The following PDZRN4 variants were observed in gnomAD, a reference collection of about 807,000 sequenced individuals.
PDZRN4 encodes the protein PDZ domain-containing RING finger protein 4.
In PDZRN4, 70 loss-of-function variants were observed where a neutral mutation model predicts 99.0. That is an observed-to-expected ratio of 0.71 (90% CI 0.58 to 0.86). The LOEUF is 0.86. PDZRN4 is among the 40% of genes least tolerant of loss of function. The probability of loss-of-function intolerance (pLI) is 0.00; values close to 1 mark genes in which losing one functional copy is unlikely to be tolerated. For missense variants in PDZRN4, 1,474 were observed against 1,331.2 expected (o/e 1.11, Z -1.67); for synonymous variants, 551 against 501.6 (o/e 1.10, Z -1.32).
At chr12:41,282,135 G>T (rs974295179) in intron 3 of PDZRN4, among the ~76,000 whole-genome samples, 7 of 152,108 alleles carry the variant, frequency 4.6e-5, no homozygotes, top group African/African-American at 1.7e-4. Context: ...CCCATCTCAT[G>T]TGCAACGATA....
intron 3 of PDZRN4, among the ~76,000 whole-genome samples, chr12:41,329,637 T>G (rs907757283): frequency 6.6e-5 from 10 of 152,110 alleles, no homozygotes; most frequent in African/African-American, 2.4e-4. Flanking sequence ...CATTTTTTCT[T>G]TAATATAATT....
chr12:41,531,540 T>C (rs916021596), intron 5 of PDZRN4, among the ~76,000 whole-genome samples: 2 of 152,146 alleles, frequency 1.3e-5, no homozygotes, highest in African/African-American at 4.8e-5. Context: ...GATGGGGCCA[T>C]GGCAGGCCAG....
At chr12:41,468,886 G>A (rs1952957409) in intron 3 of PDZRN4, among the ~76,000 whole-genome samples, 1 of 152,034 alleles carries the variant, frequency 6.6e-6, no homozygotes, top group Admixed American at 6.6e-5. Flanking sequence ...GCTCACGCCT[G>A]TAGTCCCAGC....
At chr12:41,398,584 A>G (rs1952267106) in intron 3 of PDZRN4, among the ~76,000 whole-genome samples, 1 of 152,208 alleles carries the variant, frequency 6.6e-6, no homozygotes, top group Non-Finnish European at 1.5e-5. Flanking sequence ...AAGAATTATA[A>G]TGACTTACAA....
At chr12:41,483,985 C>CT (rs1434330683) in intron 3 of PDZRN4, among the ~76,000 whole-genome samples, 3 of 151,974 alleles carry the variant, frequency 2.0e-5, no homozygotes, top group Admixed American at 6.6e-5. Flanking sequence ...GGATTCCATT[C>CT]TGAAAAAAAT....
At chr12:41,275,066 T>G (rs538396665) in intron 3 of PDZRN4, among the ~76,000 whole-genome samples, 21 of 152,236 alleles carry the variant, frequency 1.4e-4, no homozygotes, top group African/African-American at 5.1e-4. Flanking sequence ...TAGACTAAGA[T>G]GCTGAACATT....
intron 3 of PDZRN4, among the ~76,000 whole-genome samples, chr12:41,477,341 G>A (rs1284989657): frequency 6.6e-6 from 1 of 152,166 alleles, no homozygotes; most frequent in Non-Finnish European, 1.5e-5. Flanking sequence ...TGCAACTCTG[G>A]TCTCTGAAGG....
chr12:41,188,568 G>A lies in PDZRN4; in HGVS notation c.113G>A (p.Cys38Tyr). The change falls in exon 1 of 10, where the codon TGC (cysteine) becomes TAC (tyrosine). Residue 38 changes from cysteine (C) to tyrosine (Y), a missense_variant. Coordinates refer to ENST00000402685, the MANE Select transcript of PDZRN4 (RefSeq NM_001164595.2). ...PLCTPCGHVFCASCLLPWAVR... is the reference protein window; with the variant it reads ...PLCTPCGHVFYASCLLPWAVR... ...TGCACGCCGTGCGGGCACGTCTTCT[G>A]CGCCAGCTGCCTGTTGCCCTGGGCG... 6.5e-7 allele frequency: 1 copy of A among 1,548,684 alleles called. No homozygotes were observed. The highest frequency in any genetic ancestry group is 8.7e-7 in the Non-Finnish European group (1 of 1,154,326).
chr12:41,244,696 G>A (rs1302300662), intron 3 of PDZRN4, among the ~76,000 whole-genome samples: 1 of 63,576 alleles, frequency 1.6e-5, no homozygotes, highest in Non-Finnish European at 3.0e-5. Flanking sequence ...TTTTCTTTTT[G>A]AGACGGAGTC....
At chr12:41,449,137 C>G (rs1952753798) in intron 3 of PDZRN4, among the ~76,000 whole-genome samples, 2 of 152,124 alleles carry the variant, frequency 1.3e-5, no homozygotes, top group Admixed American at 1.3e-4. Flanking sequence ...TTTCCAGAAT[C>G]CTCCCATTTT....
chr12:41,493,010 G>T (rs1416965753), intron 3 of PDZRN4, among the ~76,000 whole-genome samples: 1 of 152,122 alleles, frequency 6.6e-6, no homozygotes, highest in African/African-American at 2.4e-5. Context: ...TACAGCCAAA[G>T]GCTGCTTTGA....
intron 3 of PDZRN4, among the ~76,000 whole-genome samples, chr12:41,484,569 A>T (rs1336764535): frequency 1.3e-5 from 2 of 152,208 alleles, no homozygotes; most frequent in Non-Finnish European, 2.9e-5. Context: ...TGCATACAGG[A>T]TATTTAACAC....
At chr12:41,272,362 A>G (rs1340936558) in intron 3 of PDZRN4, among the ~76,000 whole-genome samples, 1 of 152,108 alleles carries the variant, frequency 6.6e-6, no homozygotes, top group Non-Finnish European at 1.5e-5. Context: ...TTCAAATAAA[A>G]TATTCTTAAA....
intron 3 of PDZRN4, among the ~76,000 whole-genome samples, chr12:41,425,455 AT>A (rs1006917204): frequency 1.3e-5 from 2 of 151,912 alleles, no homozygotes; most frequent in African/African-American, 2.4e-5. Context: ...CAACTGGACA[AT>A]TTTTTCTTAC....
In PDZRN4 at chr12:41,246,396, G is replaced by A. The variant is rs554493464; in HGVS notation, c.843+52208G>A. The stretch of plus-strand genomic sequence containing the variant: ...GTCATTACAAGATAGTTAAATTTTT[G>A]GCAACAGATTATGCTGTGTGGATAG... On this transcript the variant is annotated intron_variant, in intron 3 of 9. Transcript: ENST00000402685. Among the ~76,000 whole-genome samples, 5 of 152,166 alleles carry A rather than the reference G, an allele frequency of 3.3e-5. No homozygotes were observed. In the South Asian group the frequency reaches 8.3e-4, roughly 25 times the overall value.
intron 3 of PDZRN4, among the ~76,000 whole-genome samples, chr12:41,423,245 A>G (rs1303348637): frequency 6.6e-6 from 1 of 152,014 alleles, no homozygotes; most frequent in Non-Finnish European, 1.5e-5. Context: ...TGCTGCACCC[A>G]TCAACCTGTC....
At chr12:41,338,409 G>C (rs978760639) in intron 3 of PDZRN4, among the ~76,000 whole-genome samples, 11 of 151,938 alleles carry the variant, frequency 7.2e-5, no homozygotes, top group Admixed American at 7.2e-4. Context: ...AAGGTAAAAT[G>C]CTTATGGCCT....
chr12:41,212,961 G>A (rs1279014954), intron 3 of PDZRN4, among the ~76,000 whole-genome samples: 2 of 151,926 alleles, frequency 1.3e-5, no homozygotes, highest in Non-Finnish European at 2.9e-5. Context: ...AGCAAGGATT[G>A]GAGAGTGGGA....
intron 3 of PDZRN4, among the ~76,000 whole-genome samples, chr12:41,382,959 CAT>C (rs1338715583): frequency 2.0e-5 from 3 of 152,140 alleles, no homozygotes; most frequent in Non-Finnish European, 2.9e-5. Flanking sequence ...ATAACCTTTT[CAT>C]ATGTTTTTTT....
Sources: gnomAD v4.1 joint callset for allele counts (sites outside exome capture counted in the v4.1 genomes callset) on GRCh38, gnomAD v4.1.1 for gene constraint, MANE v1.5 for transcripts, NCBI Gene and HGNC (gene_info 2026-07-23, HGNC 2026-07-21) for gene names.